STAT5B: variants seen among roughly 807,000 people sequenced by gnomAD.
STAT5B encodes the protein transcription factor STAT5B.
In STAT5B, 21 loss-of-function variants were observed where a neutral mutation model predicts 107.8. That is an observed-to-expected ratio of 0.19 (90% CI 0.14 to 0.28). The LOEUF (loss-of-function observed/expected upper bound fraction) is 0.28. STAT5B is among the 10% of genes least tolerant of loss of function. STAT5B has a pLI of 1.00. For missense variants in STAT5B, 565 were observed against 1,008.2 expected (o/e 0.56, Z 5.95); for synonymous variants, 325 against 401.7 (o/e 0.81, Z 2.28).
chr17:42,257,613 C>T (rs779884494), intron 1 of STAT5B, among the ~76,000 whole-genome samples: 1 of 152,198 alleles, frequency 6.6e-6, no homozygotes, highest in East Asian at 1.9e-4. Flanking sequence ...ATGATTGCCA[C>T]AATCAAATCA....
In STAT5B at chr17:42,202,447, C is replaced by T. The variant is rs781501709; in HGVS notation, c.2130G>A (p.Glu710=). Residue 710 remains glutamate (E), a splice_region_variant and synonymous_variant, in exon 18 of 19, where the codon GAG becomes GAA. Transcript: ENST00000293328. Reference sequence around the variant, plus strand: ...CGGCATCTGCAGATGCGTTCACAAACCTGCAGAAGGAAGAGAACAGAGCTT... The same window carrying T: ...CGGCATCTGCAGATGCGTTCACAAATCTGCAGAAGGAAGAGAACAGAGCTT... ...VKPQIKQVVP[E]FVNASADAGG... The T allele has an allele frequency of 2.5e-6, 4 of 1,614,044 alleles. No individual in the cohort carries two copies. Among genetic ancestry groups the T allele is most frequent in the African/African-American group, 1.3e-5 (1 of 75,068 alleles).
intron 5 of STAT5B, among the ~76,000 whole-genome samples, chr17:42,220,988 G>A (rs867465704): frequency 6.6e-6 from 1 of 151,176 alleles, no homozygotes; most frequent in Middle Eastern, 3.4e-3. Context: ...ACAGCCCAGA[G>A]TCCTTGCTTG....
chr17:42,209,147 A>G (rs141712403), intron 15 of STAT5B, among the ~76,000 whole-genome samples: 1,957 of 150,116 alleles, frequency 0.013, 34 homozygotes, highest in African/African-American at 0.046. Flanking sequence ...TGATCATCCC[A>G]CCTCACCCTC....
At chr17:42,260,318 G>C (rs1262667138) in intron 1 of STAT5B, among the ~76,000 whole-genome samples, 1 of 152,158 alleles carries the variant, frequency 6.6e-6, no homozygotes, top group Non-Finnish European at 1.5e-5. Context: ...TAAATTGAGA[G>C]ATTTTATAAC....
chr17:42,287,873 C>G, the STAT5B span: 3 of 152,196 alleles, frequency 2.0e-5, no homozygotes, highest in Non-Finnish European at 4.4e-5. Context: ...GTTTAGATGG[C>G]CGGAGTAAAA....
At chr17:42,275,958 C>T (rs2080761425) in intron 1 of STAT5B, among the ~76,000 whole-genome samples, 1 of 151,980 alleles carries the variant, frequency 6.6e-6, no homozygotes, top group Non-Finnish European at 1.5e-5. Flanking sequence ...CACACACCCA[C>T]TCAGCACACG....
At chr17:42,219,917 CG>C in intron 5 of STAT5B, 75 bp from the exon 6 acceptor site, 1 of 1,604,978 alleles carries the variant, frequency 6.2e-7, no homozygotes, top group South Asian at 1.1e-5. Flanking sequence ...CCCACTCACC[CG>C]TTCTGGAGCG....
At chr17:42,223,307 C>T in intron 5 of STAT5B, 75 bp downstream of exon 5, 1 of 1,608,802 alleles carries the variant, frequency 6.2e-7, no homozygotes, top group Non-Finnish European at 8.5e-7. Context: ...TGCTTTCTCC[C>T]AACCCCACCA....
intron 1 of STAT5B, chr17:42,269,634 T>C (rs760402359): frequency 2.0e-5 from 3 of 152,174 alleles, no homozygotes; most frequent in Admixed American, 6.5e-5. Flanking sequence ...AAGGTGACAG[T>C]TGACAATCCT....
At chr17:42,238,301 T>G (rs1287306079) in intron 1 of STAT5B, among the ~76,000 whole-genome samples, 1 of 150,570 alleles carries the variant, frequency 6.6e-6, no homozygotes, top group Non-Finnish European at 1.5e-5. Context: ...ACCTGGCTAA[T>G]TAAAGAAAAA....
intron 5 of STAT5B, among the ~76,000 whole-genome samples, chr17:42,220,824 C>T (rs140516016): frequency 0.013 from 1,943 of 151,836 alleles, 33 homozygotes; most frequent in African/African-American, 0.042. Flanking sequence ...ACACAGGGAA[C>T]GTGGAACACA....
chr17:42,203,686 G>A (rs1245448787), intron 16 of STAT5B, among the ~76,000 whole-genome samples: 1 of 152,006 alleles, frequency 6.6e-6, no homozygotes, highest in Non-Finnish European at 1.5e-5. Flanking sequence ...GAGTGCAGTG[G>A]TGCGATCTCA....
intron 3 of STAT5B, among the ~76,000 whole-genome samples, chr17:42,226,791 AG>A (rs2080275758): frequency 8.8e-6 from 1 of 114,274 alleles, no homozygotes. Context: ...CTGGGCAACA[AG>A]AGTGAAACTC....
chr17:42,251,410 C>T (rs189084170), intron 1 of STAT5B, among the ~76,000 whole-genome samples: 1 of 152,312 alleles, frequency 6.6e-6, no homozygotes, highest in Non-Finnish European at 1.5e-5. Context: ...CCATTAGTTA[C>T]ATTATTATCC....
chr17:42,209,193 A>G (rs2080109522), intron 15 of STAT5B, among the ~76,000 whole-genome samples: 1 of 152,032 alleles, frequency 6.6e-6, no homozygotes, highest in African/African-American at 2.4e-5. Context: ...CACCATGAGC[A>G]CCACCATGCC....
chr17:42,216,239 C>T (rs2080170954), intron 11 of STAT5B, 133 bp from the exon 12 acceptor site: 4 of 746,974 alleles, frequency 5.4e-6, no homozygotes, highest in Admixed American at 2.4e-5. Flanking sequence ...GACACAGAAT[C>T]TAAATGGCCC....
At chr17:42,245,293 G>T (rs950591812) in intron 1 of STAT5B, among the ~76,000 whole-genome samples, 5 of 151,706 alleles carry the variant, frequency 3.3e-5, no homozygotes, top group South Asian at 4.2e-4. Flanking sequence ...GGCCAAGATG[G>T]TCTCGACCTC....
At chr17:42,260,903 T>A (rs2080589520) in intron 1 of STAT5B, among the ~76,000 whole-genome samples, 3 of 150,114 alleles carry the variant, frequency 2.0e-5, no homozygotes, top group Non-Finnish European at 4.4e-5. Flanking sequence ...AGTTTCCTAG[T>A]TTATATGTCT....
chr17:42,235,834 GA>G (rs2080352409), intron 1 of STAT5B, among the ~76,000 whole-genome samples: 1 of 152,134 alleles, frequency 6.6e-6, no homozygotes, highest in African/African-American at 2.4e-5. Context: ...CTTGCCTATG[GA>G]AAGTGGTCAA....
Sources: allele counts gnomAD v4.1 joint callset (sites outside exome capture counted in the v4.1 genomes callset), GRCh38; gene constraint gnomAD v4.1.1; transcripts MANE v1.5; gene names NCBI Gene and HGNC (gene_info 2026-07-23, HGNC 2026-07-21).